NRXN3: variants seen among roughly 807,000 people sequenced by gnomAD.
NRXN3 encodes the protein neurexin 3.
NRXN3 carries 32 observed loss-of-function variants against 137.6 expected under a neutral mutation model. The observed-to-expected ratio is 0.23, with a 90% CI of 0.18 to 0.31. The LOEUF (loss-of-function observed/expected upper bound fraction) is 0.31, where lower values mean the gene tolerates loss of function less well. Among genes scored for constraint, NRXN3 ranks in the 10% least tolerant of loss-of-function variants. The probability of loss-of-function intolerance (pLI) is 1.00; values close to 1 mark genes in which losing one functional copy is unlikely to be tolerated. For missense variants in NRXN3, 1,574 were observed against 2,062.5 expected, an observed-to-expected ratio of 0.76 and a Z score of 4.59; for synonymous variants, 798 against 784.5, an observed-to-expected ratio of 1.02 and a Z score of -0.29.
chr14:78,536,055 G>A (rs571796451), intron 4 of NRXN3, among the ~76,000 whole-genome samples: 43 of 152,030 alleles, frequency 2.8e-4, no homozygotes, highest in Non-Finnish European at 4.7e-4. Context: ...AGAGTGTTTC[G>A]TGGCATGACA....
At chr14:79,765,290 T>C (rs1218431260) in intron 19 of NRXN3, among the ~76,000 whole-genome samples, 4 of 152,214 alleles carry the variant, frequency 2.6e-5, no homozygotes, top group Non-Finnish European at 4.4e-5. Context: ...GTGAGTATAA[T>C]AAATAGAAAC....
chr14:78,450,395 C>T (rs1392400446), intron 4 of NRXN3, among the ~76,000 whole-genome samples: 1 of 152,144 alleles, frequency 6.6e-6, no homozygotes, highest in Non-Finnish European at 1.5e-5. Context: ...GCTGTTGCCA[C>T]ATTGTGTTAA....
intron 4 of NRXN3, among the ~76,000 whole-genome samples, chr14:78,551,547 T>C (rs1254174039): frequency 6.6e-6 from 1 of 151,500 alleles, no homozygotes; most frequent in African/African-American, 2.4e-5. Context: ...AGTTTTTTAA[T>C]CTCACCTCCT....
At chr14:79,437,630 C>T (rs2095865311) in intron 15 of NRXN3, among the ~76,000 whole-genome samples, 2 of 152,182 alleles carry the variant, frequency 1.3e-5, no homozygotes, top group Admixed American at 1.3e-4. Context: ...AACTGTGCTC[C>T]TGAACATGGC....
chr14:78,773,639 C>T (rs74064957), intron 8 of NRXN3, among the ~76,000 whole-genome samples: 53 of 152,092 alleles, frequency 3.5e-4, no homozygotes, highest in African/African-American at 1.2e-3. Flanking sequence ...TAGTCTTTTC[C>T]AGCTCATATG....
At chr14:79,496,609 G>C (rs1362521649) in intron 16 of NRXN3, among the ~76,000 whole-genome samples, 1 of 152,214 alleles carries the variant, frequency 6.6e-6, no homozygotes, top group Non-Finnish European at 1.5e-5. Context: ...TACAGCCTTT[G>C]CTATAATTAT....
chr14:78,421,529 A>G (rs2093445106), intron 4 of NRXN3, among the ~76,000 whole-genome samples: 1 of 152,224 alleles, frequency 6.6e-6, no homozygotes, highest in African/African-American at 2.4e-5. Context: ...AGATTTAGGT[A>G]TAAAATGGAG....
chr14:79,735,070 C>T (rs921005601), intron 19 of NRXN3, among the ~76,000 whole-genome samples: 1 of 152,136 alleles, frequency 6.6e-6, no homozygotes, highest in African/African-American at 2.4e-5. Flanking sequence ...ACTCCCTAGC[C>T]TTTCTTGAAC....
At chr14:78,729,995 C>T (rs1451104560) in intron 8 of NRXN3, among the ~76,000 whole-genome samples, 1 of 152,184 alleles carries the variant, frequency 6.6e-6, no homozygotes, top group East Asian at 1.9e-4. Context: ...ATCTAAACTG[C>T]CCACCCTCAC....
chr14:79,495,770 T>A (rs946058863), intron 16 of NRXN3, among the ~76,000 whole-genome samples: 2 of 151,992 alleles, frequency 1.3e-5, no homozygotes, highest in Non-Finnish European at 2.9e-5. Flanking sequence ...ATTTAGGTAA[T>A]AGTATTTTTG....
chr14:79,575,991 A>G (rs778922944), intron 16 of NRXN3, among the ~76,000 whole-genome samples: 1 of 152,312 alleles, frequency 6.6e-6, no homozygotes, highest in Non-Finnish European at 1.5e-5. Context: ...AAAAAAGTCC[A>G]GAAACCAGCA....
chr14:79,425,910 A>C (rs2095648382), intron 15 of NRXN3, among the ~76,000 whole-genome samples: 1 of 152,032 alleles, frequency 6.6e-6, no homozygotes, highest in Admixed American at 6.6e-5. Context: ...TGTTTGCAGC[A>C]ATTTGTATGT....
Position 78,651,253 on chromosome 14 carries a change from T to C in NRXN3, c.1148T>C (p.Val383Ala). The change falls in exon 6 of 21, where the codon GTA becomes GCA. Residue 383 changes from valine to alanine, a missense_variant. By Grantham distance (64) the Val-to-Ala change is moderately conservative (BLOSUM62 0). This residue lies in a region of NRXN3 where 400 missense variants were observed against 527.3 expected (regional missense o/e 0.76). Transcript: ENST00000335750. ...CTGGGCTCGGACGACTTCTTCTATG[T>C]AGGAGGAAGCCCAAGTACCGCTGAC... ...TMLGSDDFFY[V>A]GGSPSTADLP... is the part of the protein sequence containing the mutation. 2 of 1,614,070 alleles carry C rather than the reference T, an allele frequency of 1.2e-6. No individual in the cohort carries two copies. The highest frequency in any genetic ancestry group is 8.5e-7 in the Non-Finnish European group (1 of 1,179,962).
chr14:78,572,409 A>G (rs2096898195), intron 4 of NRXN3, among the ~76,000 whole-genome samples: 1 of 152,166 alleles, frequency 6.6e-6, no homozygotes, highest in South Asian at 2.1e-4. Context: ...GTGTGTCGAG[A>G]TGCCAGGGCC....
chr14:79,083,129 T>G (rs756087268), intron 15 of NRXN3, among the ~76,000 whole-genome samples: 3 of 152,188 alleles, frequency 2.0e-5, no homozygotes, highest in Non-Finnish European at 4.4e-5. Flanking sequence ...TGGTACTGTG[T>G]GAGATGTTGT....
At chr14:79,573,502 A>G (rs1434247489) in intron 16 of NRXN3, among the ~76,000 whole-genome samples, 1 of 151,988 alleles carries the variant, frequency 6.6e-6, no homozygotes, top group African/African-American at 2.4e-5. Context: ...CAATTTGTGG[A>G]AGTTAGAAAC....
At chr14:79,470,958 G>A (rs1174610596) in intron 16 of NRXN3, among the ~76,000 whole-genome samples, 1 of 47,168 alleles carries the variant, frequency 2.1e-5, no homozygotes, top group African/African-American at 1.6e-4. Context: ...GAGAGTGTGT[G>A]TGTGTGTGTG....
At chr14:79,303,145 G>T (rs2085427032) in intron 15 of NRXN3, among the ~76,000 whole-genome samples, 1 of 151,996 alleles carries the variant, frequency 6.6e-6, no homozygotes, top group African/African-American at 2.4e-5. Flanking sequence ...GCGCTACCCT[G>T]CCTCTTCCAG....
chr14:79,459,297 A>G (rs1051696410), intron 15 of NRXN3, among the ~76,000 whole-genome samples: 1 of 152,072 alleles, frequency 6.6e-6, no homozygotes, highest in African/African-American at 2.4e-5. Flanking sequence ...ACTGCATTTG[A>G]AGATAGGGTT....
Sources: allele counts gnomAD v4.1 joint callset (sites outside exome capture counted in the v4.1 genomes callset), GRCh38; gene constraint gnomAD v4.1.1; regional missense constraint gnomAD v4.1.1; transcripts MANE v1.5; gene names NCBI Gene and HGNC (gene_info 2026-07-23, HGNC 2026-07-21).